The following PTPRD variants were observed in gnomAD, a reference collection of about 807,000 sequenced individuals.
PTPRD encodes the protein receptor-type tyrosine-protein phosphatase delta.
A neutral mutation model predicts 214.5 loss-of-function variants in PTPRD; 34 were observed. The observed-to-expected ratio is 0.16, with a 90% CI of 0.12 to 0.21. PTPRD has a LOEUF of 0.21. Ranked by LOEUF, PTPRD falls within the 10% of genes least tolerant of loss-of-function variation. The probability of loss-of-function intolerance (pLI) is 1.00; values close to 1 mark genes in which losing one functional copy is unlikely to be tolerated. For missense variants in PTPRD, 2,545 were observed against 2,398.7 expected (o/e 1.06, Z -1.27); for synonymous variants, 1,128 against 845.7 (o/e 1.33, Z -5.79).
intron 3 of PTPRD, among the ~76,000 whole-genome samples, chr9:10,063,432 A>G (rs2097815892): frequency 6.6e-6 from 1 of 152,018 alleles, no homozygotes; most frequent in African/African-American, 2.4e-5. Flanking sequence ...GTATAGTAAG[A>G]AAAAAAGCGT....
chr9:8,720,069 A>G (rs1321408555), intron 12 of PTPRD, among the ~76,000 whole-genome samples: 4 of 152,202 alleles, frequency 2.6e-5, no homozygotes, highest in Non-Finnish European at 5.9e-5. Flanking sequence ...TTTGCACATG[A>G]TTCTTCCCTC....
chr9:10,052,468 T>A (rs1008350780), intron 3 of PTPRD, among the ~76,000 whole-genome samples: 25 of 152,030 alleles, frequency 1.6e-4, no homozygotes, highest in African/African-American at 5.3e-4. Flanking sequence ...AACCTGCCTT[T>A]AAGGTAAAAT....
At chr9:8,963,232 A>T (rs1223889310) in intron 11 of PTPRD, among the ~76,000 whole-genome samples, 7 of 152,134 alleles carry the variant, frequency 4.6e-5, no homozygotes. Context: ...AAAGAGAAGC[A>T]AGGAAATGAT....
At chr9:8,848,385 G>C (rs1310616635) in intron 11 of PTPRD, among the ~76,000 whole-genome samples, 2 of 142,358 alleles carry the variant, frequency 1.4e-5, no homozygotes, top group African/African-American at 2.6e-5. Context: ...ATACAGACTA[G>C]AATGCAGTGG....
chr9:8,799,837 A>G (rs1485808430), intron 11 of PTPRD, among the ~76,000 whole-genome samples: 1 of 151,920 alleles, frequency 6.6e-6, no homozygotes, highest in Non-Finnish European at 1.5e-5. Flanking sequence ...TTGATCTCCC[A>G]ACTCCCCCAC....
intron 9 of PTPRD, among the ~76,000 whole-genome samples, chr9:9,220,475 C>T (rs1181868064): frequency 1.3e-5 from 2 of 151,862 alleles, no homozygotes; most frequent in African/African-American, 4.8e-5. Flanking sequence ...TTTTAATTTG[C>T]CTCCTTTGTG....
intron 7 of PTPRD, among the ~76,000 whole-genome samples, chr9:9,610,544 A>G (rs935924974): frequency 5.3e-5 from 8 of 152,184 alleles, no homozygotes; most frequent in Non-Finnish European, 1.2e-4. Flanking sequence ...CAAATTAGTG[A>G]GACCAGTATG....
At chr9:9,665,895 A>G (rs1368840388) in intron 7 of PTPRD, among the ~76,000 whole-genome samples, 2 of 151,924 alleles carry the variant, frequency 1.3e-5, no homozygotes, top group African/African-American at 4.8e-5. Flanking sequence ...CATATTTCAA[A>G]TGTTTATTTT....
intron 2 of PTPRD, among the ~76,000 whole-genome samples, chr9:10,593,192 C>T (rs2075909720): frequency 6.6e-6 from 1 of 151,906 alleles, no homozygotes; most frequent in South Asian, 2.1e-4. Context: ...GCCTCTTAAA[C>T]CATAATAGAA....
At chr9:10,034,405 T>A (rs2097138830) in intron 3 of PTPRD, among the ~76,000 whole-genome samples, 1 of 102,278 alleles carries the variant, frequency 9.8e-6, no homozygotes, top group South Asian at 3.5e-4. Context: ...CTCCTGGCTC[T>A]ACTTTTTTTT....
chr9:9,468,620 T>C (rs1425853103), intron 8 of PTPRD, among the ~76,000 whole-genome samples: 1 of 152,132 alleles, frequency 6.6e-6, no homozygotes, highest in Admixed American at 6.5e-5. Context: ...TATATGTTTC[T>C]CTAATTGTTT....
At chr9:9,828,952 T>C (rs1274836373) in intron 5 of PTPRD, among the ~76,000 whole-genome samples, 1 of 151,950 alleles carries the variant, frequency 6.6e-6, no homozygotes, top group East Asian at 1.9e-4. Flanking sequence ...AAATTTAAAA[T>C]TGTAAGGAAA....
At chr9:9,218,648 C>A (rs1053806821) in intron 9 of PTPRD, among the ~76,000 whole-genome samples, 1 of 152,040 alleles carries the variant, frequency 6.6e-6, no homozygotes, top group South Asian at 2.1e-4. Context: ...GTAACTAAAT[C>A]TGGGACTGTA....
At chr9:8,881,838 T>C (rs1186283867) in intron 11 of PTPRD, among the ~76,000 whole-genome samples, 1 of 152,214 alleles carries the variant, frequency 6.6e-6, no homozygotes, top group Admixed American at 6.5e-5. Flanking sequence ...TGGAGAGAGA[T>C]CCTCAGTTAC....
intron 7 of PTPRD, among the ~76,000 whole-genome samples, chr9:9,583,506 G>A (rs1688076288): frequency 6.6e-6 from 1 of 152,012 alleles, no homozygotes; most frequent in Non-Finnish European, 1.5e-5. Context: ...AGTTGACAAT[G>A]AGCCAAACTA....
intron 2 of PTPRD, among the ~76,000 whole-genome samples, chr9:10,610,287 C>A (rs1026832969): frequency 5.9e-5 from 9 of 152,248 alleles, no homozygotes; most frequent in Admixed American, 5.2e-4. Flanking sequence ...TTTTCCTTAG[C>A]ACTATGACAT....
At chr9:9,839,909 T>C (rs1489137544) in intron 5 of PTPRD, among the ~76,000 whole-genome samples, 2 of 152,066 alleles carry the variant, frequency 1.3e-5, no homozygotes, top group Non-Finnish European at 2.9e-5. Context: ...TTGATATGCA[T>C]TTTTAAACAC....
intron 10 of PTPRD, among the ~76,000 whole-genome samples, chr9:9,095,105 A>G (rs2099781618): frequency 6.6e-6 from 1 of 152,174 alleles, no homozygotes; most frequent in Non-Finnish European, 1.5e-5. Flanking sequence ...ATGCTTGCTA[A>G]TAGGTGGTAA....
intron 9 of PTPRD, among the ~76,000 whole-genome samples, chr9:9,302,601 C>CTTTTTTT (rs3047853): frequency 2.3e-4 from 26 of 111,884 alleles, no homozygotes; most frequent in South Asian, 3.0e-4. Flanking sequence ...TTTTTTTTTT[C>CTTTTTTT]TTTTTTTTTT....
Sources: allele counts gnomAD v4.1 joint callset (sites outside exome capture counted in the v4.1 genomes callset), GRCh38; gene constraint gnomAD v4.1.1; transcripts MANE v1.5; gene names NCBI Gene and HGNC (gene_info 2026-07-23, HGNC 2026-07-21).